Variants in GPATCH2 observed in about 807,000 individuals in gnomAD.
The protein encoded by GPATCH2 is G-patch domain containing 2.
A neutral mutation model predicts 58.0 loss-of-function variants in GPATCH2; 51 were observed. The observed-to-expected ratio is 0.88, with a 90% CI of 0.70 to 1.11. GPATCH2 has a LOEUF of 1.11. GPATCH2 is among the 50% of genes most tolerant of loss of function. The pLI, the probability that GPATCH2 is intolerant of heterozygous loss-of-function variation, is 0.00. For missense variants in GPATCH2, 625 were observed against 652.2 expected, an observed-to-expected ratio of 0.96 and a Z score of 0.45; for synonymous variants, 222 against 218.5, an observed-to-expected ratio of 1.02 and a Z score of -0.14.
At chr1:217,590,046 A>G (rs1028936398) in intron 5 of GPATCH2, among the ~76,000 whole-genome samples, 27 of 149,318 alleles carry the variant, frequency 1.8e-4, no homozygotes, top group African/African-American at 6.2e-4. Flanking sequence ...TTTTTGAGAC[A>G]GTCTCACTCT....
At chr1:217,442,852 C>T (rs1289948192) in intron 9 of GPATCH2, among the ~76,000 whole-genome samples, 8 of 151,968 alleles carry the variant, frequency 5.3e-5, no homozygotes, top group African/African-American at 1.9e-4. Context: ...TACTAATATA[C>T]CTAGATTTAT....
In GPATCH2 at chr1:217,630,939, T is replaced by C. The variant is rs1169040398; in HGVS notation, c.33A>G (p.Gly11=). ...ACCAGCTGTTCCCGGCTGCTGGAGC[T>C]CCGATCGGTTGGCGCCCGGCGGCCC... MFGAAGRQPI[G]APAAGNSWHF... The change falls in exon 1 of 10, where the codon GGA becomes GGG. Residue 11 remains glycine, a synonymous_variant. Transcript: ENST00000366935. 6.3e-7 allele frequency: 1 copy of C among 1,590,168 alleles called. No homozygotes were observed. The highest frequency in any genetic ancestry group is 1.1e-5 in the South Asian group (1 of 89,002).
At chr1:217,539,341 T>C (rs1253245411) in intron 5 of GPATCH2, among the ~76,000 whole-genome samples, 2 of 152,232 alleles carry the variant, frequency 1.3e-5, no homozygotes, top group African/African-American at 2.4e-5. Context: ...TAAACCAGTA[T>C]ATATTTGCTC....
chr1:217,556,731 G>C (rs562201735), intron 5 of GPATCH2, among the ~76,000 whole-genome samples: 2 of 152,218 alleles, frequency 1.3e-5, no homozygotes, highest in East Asian at 1.9e-4. Context: ...ATACATTGTG[G>C]GCCATCACAA....
chr1:217,588,720 A>C (rs1285212522), intron 5 of GPATCH2, among the ~76,000 whole-genome samples: 1 of 152,186 alleles, frequency 6.6e-6, no homozygotes, highest in Non-Finnish European at 1.5e-5. Context: ...TTAACAACTG[A>C]AATGGAATAT....
intron 8 of GPATCH2, among the ~76,000 whole-genome samples, chr1:217,485,785 T>C (rs1305513080): frequency 6.6e-6 from 1 of 152,162 alleles, no homozygotes; most frequent in East Asian, 1.9e-4. Context: ...GTGGTAAGTA[T>C]TTGTGTATCT....
rs558963082 is a variant in GPATCH2 at position 217,440,693 on chromosome 1, C to G, written c.1366+8556G>C. Among the ~76,000 whole-genome samples the G allele has an allele frequency of 5.1e-3, 783 of 152,308 alleles. 7 individuals carry two copies. The highest frequency in any genetic ancestry group is 0.018 in the African/African-American group (753 of 41,566). ...GGATACAAAATCAATGTGCAAAAAT[C>G]ACAAGCATTCCTATACACCAATAAC... is the stretch of plus-strand genomic sequence containing the variant. On this transcript the variant is annotated intron_variant, in intron 9 of 9. Coordinates refer to ENST00000366935, the MANE Select transcript of GPATCH2 (RefSeq NM_018040.5).
intron 1 of GPATCH2, among the ~76,000 whole-genome samples, chr1:217,621,126 C>A (rs1669168798): frequency 6.6e-6 from 1 of 152,204 alleles, no homozygotes; most frequent in Admixed American, 6.5e-5. Context: ...AAGGGCCCAT[C>A]ATTACTTCAT....
At position 217,428,647 on chromosome 1, in the gene GPATCH2, C is replaced by T. The variant is rs1658408683; in HGVS notation, c.*2498G>A. The T allele has an allele frequency of 6.6e-6, 1 of 152,130 alleles. No individual in the cohort carries two copies. Among genetic ancestry groups the T allele is most frequent in the African/African-American group, 2.4e-5 (1 of 41,416 alleles). 9.4% of individuals were successfully genotyped at this position (152,130 alleles called of 1,614,324 possible). ...ACATATACTGTAGAGTACATATATT[C>T]TGTACAATTAAACACTTCAACAGAG... On this transcript the variant is annotated 3_prime_UTR_variant, in exon 10 of 10. Transcript: ENST00000366935.
chr1:217,491,634 GA>G lies in GPATCH2; in HGVS notation c.1277+45del, dbSNP rs746356596. 3.3e-5 allele frequency: 29 copies of G among 891,504 alleles called. No individual in the cohort carries two copies. The Admixed American group carries it at 3.4e-4, about 11-fold the overall frequency. 55.2% of individuals were successfully genotyped at this position (891,504 alleles called of 1,614,324 possible). On this transcript the variant is annotated intron_variant, in intron 8 of 9. Coordinates refer to ENST00000366935, the MANE Select transcript of GPATCH2 (RefSeq NM_018040.5). ...AATTCATTACATTCTTATAGGCATA[GA>G]AAAAAAGAAAATGAATGAATAAAAA...
At chr1:217,528,784 G>A (rs1376287361) in intron 5 of GPATCH2, among the ~76,000 whole-genome samples, 1 of 152,220 alleles carries the variant, frequency 6.6e-6, no homozygotes, top group Non-Finnish European at 1.5e-5. Flanking sequence ...GTTCCCCAAG[G>A]TCTGAGTGTG....
At chr1:217,445,594 C>T (rs943870140) in intron 9 of GPATCH2, among the ~76,000 whole-genome samples, 1 of 152,032 alleles carries the variant, frequency 6.6e-6, no homozygotes, top group African/African-American at 2.4e-5. Context: ...ACTGAGACAT[C>T]CACTAAGTTT....
At chr1:217,544,548 A>T (rs1286555460) in intron 5 of GPATCH2, among the ~76,000 whole-genome samples, 1 of 152,202 alleles carries the variant, frequency 6.6e-6, no homozygotes, top group Non-Finnish European at 1.5e-5. Context: ...GAAGCAAACC[A>T]AGATTTCTCC....
chr1:217,438,061 C>T (rs936499305), intron 9 of GPATCH2, among the ~76,000 whole-genome samples: 19 of 152,210 alleles, frequency 1.2e-4, no homozygotes, highest in Non-Finnish European at 5.9e-5. Context: ...CTTTGCTGTT[C>T]TGCAGCTTCT....
chr1:217,546,520 C>T (rs962651009), intron 5 of GPATCH2, among the ~76,000 whole-genome samples: 4 of 152,122 alleles, frequency 2.6e-5, no homozygotes, highest in African/African-American at 9.7e-5. Flanking sequence ...AAAGGATTCC[C>T]TTCAATAAAT....
At position 217,629,030 on chromosome 1, in the gene GPATCH2, T is replaced by C. The variant is rs116508283; in HGVS notation, c.56+1886A>G. Among the ~76,000 whole-genome samples the C allele has an allele frequency of 5.5e-4, 84 of 152,254 alleles. 1 individual carries two copies. Among genetic ancestry groups the C allele is most frequent in the African/African-American group, 1.8e-3 (74 of 41,562 alleles). On this transcript the variant is annotated intron_variant, in intron 1 of 9. Transcript: ENST00000366935. Reference sequence around the variant, plus strand: ...ACCTTATCTAAAATGCAAAGAATGATACACCTACCTCAAAAGATTTACATG... The same window carrying C: ...ACCTTATCTAAAATGCAAAGAATGACACACCTACCTCAAAAGATTTACATG...
chr1:217,459,887 T>C (rs900766165), intron 8 of GPATCH2, among the ~76,000 whole-genome samples: 1 of 152,164 alleles, frequency 6.6e-6, no homozygotes, highest in African/African-American at 2.4e-5. Flanking sequence ...TATCTCAGAC[T>C]CTAAGCCAAG....
At chr1:217,526,230 A>G (rs1400522791) in intron 5 of GPATCH2, among the ~76,000 whole-genome samples, 2 of 152,198 alleles carry the variant, frequency 1.3e-5, no homozygotes, top group Non-Finnish European at 2.9e-5. Flanking sequence ...TTTTAAACTG[A>G]CAACTTAATA....
At chr1:217,522,049 A>C (rs1306449674) in intron 5 of GPATCH2, among the ~76,000 whole-genome samples, 9 of 152,230 alleles carry the variant, frequency 5.9e-5, no homozygotes, top group Non-Finnish European at 2.9e-5. Flanking sequence ...ACTGTTTAGA[A>C]ATATATACAT....
Sources: allele counts gnomAD v4.1 joint callset (sites outside exome capture counted in the v4.1 genomes callset), GRCh38; gene constraint gnomAD v4.1.1; transcripts MANE v1.5; gene names NCBI Gene and HGNC (gene_info 2026-07-23, HGNC 2026-07-21).